Variants in TVP23A observed in about 807,000 individuals in gnomAD.
TVP23A encodes trans-golgi network vesicle protein 23 homolog A, also known as Golgi apparatus membrane protein TVP23 homolog A.
In TVP23A, 21 loss-of-function variants were observed where a neutral mutation model predicts 31.7. That is an observed-to-expected ratio of 0.66 (90% CI 0.47 to 0.95). The LOEUF is 0.95. TVP23A is among the 40% of genes least tolerant of loss of function. The probability of loss-of-function intolerance (pLI) is 0.00; values close to 1 mark genes in which losing one functional copy is unlikely to be tolerated. For missense variants in TVP23A, 279 were observed against 255.6 expected (o/e 1.09, Z -0.62); for synonymous variants, 104 against 96.0 (o/e 1.08, Z -0.49).
intron 2 of TVP23A, among the ~76,000 whole-genome samples, chr16:10,800,711 A>T (rs1201056366): frequency 6.6e-6 from 1 of 152,176 alleles, no homozygotes; most frequent in African/African-American, 2.4e-5. Flanking sequence ...CAAAAATCAC[A>T]GGTGGCTCAC....
chr16:10,771,425 T>G (rs2031612981), intron 6 of TVP23A, among the ~76,000 whole-genome samples: 1 of 151,608 alleles, frequency 6.6e-6, no homozygotes, highest in Middle Eastern at 3.2e-3. Flanking sequence ...GTCCCAACTG[T>G]GCCAGAGGCT....
At chr16:10,795,385 G>A (rs2033332657) in intron 2 of TVP23A, among the ~76,000 whole-genome samples, 1 of 151,898 alleles carries the variant, frequency 6.6e-6, no homozygotes, top group South Asian at 2.1e-4. Context: ...CGAGTAGCTG[G>A]GATTACAGGC....
In TVP23A at chr16:10,779,323, A is replaced by G. The variant is rs1220055421; in HGVS notation, c.90-4227T>C. Among the ~76,000 whole-genome samples the G allele has an allele frequency of 6.6e-6, 1 of 152,230 alleles. No individual in the cohort carries two copies. The highest frequency in any genetic ancestry group is 1.5e-5 in the Non-Finnish European group (1 of 68,036). On this transcript the variant is annotated intron_variant, in intron 2 of 7. Coordinates refer to ENST00000299866, the MANE Select transcript of TVP23A (RefSeq NM_001079512.4). The surrounding 1 kb of genome is among the most constrained non-coding windows in gnomAD (Gnocchi z 4.9). Reference sequence around the variant, plus strand: ...TTCAGTCCCTATCTGGAGTTTGCCCAGCCTGTGCCTCTAGCTAATACTGTG... The same window carrying G: ...TTCAGTCCCTATCTGGAGTTTGCCCGGCCTGTGCCTCTAGCTAATACTGTG...
rs1411852351 is a variant in TVP23A at position 10,789,695 on chromosome 16, C to A, written c.90-14599G>T. ...AAAAAAAAAAAAAAAAAAAGCCAGGCGTGGTGGCAGGTGCCTGTAATCCCA... is the reference window on the plus strand; with the variant it reads ...AAAAAAAAAAAAAAAAAAAGCCAGGAGTGGTGGCAGGTGCCTGTAATCCCA... On this transcript the variant is annotated intron_variant, in intron 2 of 7. Transcript: ENST00000299866. Among the ~76,000 whole-genome samples, 7 of 139,370 alleles carry A rather than the reference C, an allele frequency of 5.0e-5. No homozygotes were observed. In the East Asian group the frequency reaches 1.5e-3, roughly 31 times the overall value. The allele number at this position is 139,370 out of a possible 152,430, so 91.4% of individuals were successfully genotyped here. A position where few individuals can be genotyped will look rare whatever the true frequency, so the allele number is the denominator to read the frequency against.
intron 2 of TVP23A, among the ~76,000 whole-genome samples, chr16:10,795,002 G>A (rs1239288078): frequency 6.6e-6 from 1 of 152,076 alleles, no homozygotes; most frequent in East Asian, 1.9e-4. Context: ...GGGATCCCTG[G>A]AGAAATGGCA....
At position 10,767,064 on chromosome 16, in the gene TVP23A, G is replaced by A. The variant is rs1161662444; in HGVS notation, c.*2038C>T. The A allele has an allele frequency of 2.5e-6, 1 of 398,772 alleles. No individual in the cohort carries two copies. Among genetic ancestry groups the A allele is most frequent in the Non-Finnish European group, 4.4e-6 (1 of 226,176 alleles). 24.7% of individuals were successfully genotyped at this position (398,772 alleles called of 1,614,324 possible). Reference sequence around the variant, plus strand: ...TAGTGAAGTTGAGGAAATGATGAGTGCTAGGTAGGAACCCCTCCTGGGGTT... The same window carrying A: ...TAGTGAAGTTGAGGAAATGATGAGTACTAGGTAGGAACCCCTCCTGGGGTT... On this transcript the variant is annotated 3_prime_UTR_variant, in exon 8 of 8. Coordinates refer to ENST00000299866, the MANE Select transcript of TVP23A (RefSeq NM_001079512.4). This position sits in a 1 kb window ranked among gnomAD's most constrained non-coding sequence, Gnocchi z 4.6.
At chr16:10,795,720 C>G (rs2033351335) in intron 2 of TVP23A, among the ~76,000 whole-genome samples, 1 of 152,162 alleles carries the variant, frequency 6.6e-6, no homozygotes, top group African/African-American at 2.4e-5. Flanking sequence ...GGGAGTTTCT[C>G]CTTCTGGATC....
At chr16:10,758,939 C>T (rs1900756776), downstream of TVP23A, among the ~76,000 whole-genome samples, 1 of 152,188 alleles carries the variant, frequency 6.6e-6, no homozygotes, top group Admixed American at 6.5e-5. Flanking sequence ...CTGCAGAGAG[C>T]AACTGCAGGC....
rs2031181022 is a variant in TVP23A at position 10,768,170 on chromosome 16, G to A, written c.*932C>T. 1.5e-6 allele frequency: 1 copy of A among 656,522 alleles called. No individual in the cohort carries two copies. The highest frequency in any genetic ancestry group is 2.6e-6 in the Non-Finnish European group (1 of 380,018). The allele number at this position is 656,522 out of a possible 1,614,324, so 40.7% of individuals were successfully genotyped here. ...TGGCCCCCATAGCCGAGGAAGCCAG[G>A]AGTCCATGAGAAATCTCTCAATGTG... On this transcript the variant is annotated 3_prime_UTR_variant, in exon 8 of 8. Coordinates refer to ENST00000299866, the MANE Select transcript of TVP23A (RefSeq NM_001079512.4). This position sits in a 1 kb window ranked among gnomAD's most constrained non-coding sequence, Gnocchi z 4.3.
intron 8 of TVP23A, chr16:10,761,664 C>CTTTT: frequency 1.1e-6 from 1 of 914,790 alleles, no homozygotes; most frequent in Non-Finnish European, 1.6e-6. Flanking sequence ...CAAACTAAGC[C>CTTTT]TTTTTTTTTT....
intron 2 of TVP23A, among the ~76,000 whole-genome samples, chr16:10,795,038 C>T (rs2033309705): frequency 6.6e-6 from 1 of 151,986 alleles, no homozygotes; most frequent in African/African-American, 2.4e-5. Flanking sequence ...TGGAGAAATG[C>T]ACACAATGGG....
At chr16:10,788,381 T>A (rs1421963852) in intron 2 of TVP23A, among the ~76,000 whole-genome samples, 1 of 151,986 alleles carries the variant, frequency 6.6e-6, no homozygotes, top group Non-Finnish European at 1.5e-5. Context: ...TTCAAGCGAT[T>A]CTCCTGCCTC....
chr16:10,759,498 G>A (rs1258540941), downstream of TVP23A, among the ~76,000 whole-genome samples: 3 of 152,190 alleles, frequency 2.0e-5, no homozygotes, highest in East Asian at 1.9e-4. This position sits in a 1 kb window ranked among gnomAD's most constrained non-coding sequence, Gnocchi z 4.7. Flanking sequence ...TTGGTGCTGG[G>A]CACACTGGCT....
chr16:10,768,962 A>G lies in TVP23A; in HGVS notation c.*140T>C. The G allele has an allele frequency of 7.9e-7, 1 of 1,261,296 alleles. No individual in the cohort carries two copies. The allele number at this position is 1,261,296 out of a possible 1,614,324, so 78.1% of individuals were successfully genotyped here. The stretch of plus-strand genomic sequence containing the variant: ...TAGCCAGAGGATTCCACCCCTGTCA[A>G]AACACAGCCCTCCCCAGCACAGGAC... On this transcript the variant is annotated 3_prime_UTR_variant, in exon 8 of 8. Coordinates refer to ENST00000299866, the MANE Select transcript of TVP23A (RefSeq NM_001079512.4). This position sits in a 1 kb window ranked among gnomAD's most constrained non-coding sequence, Gnocchi z 4.3.
intron 3 of TVP23A, among the ~76,000 whole-genome samples, chr16:10,774,604 C>CTCTT (rs1555478779): frequency 4.1e-5 from 6 of 145,886 alleles, no homozygotes; most frequent in Non-Finnish European, 7.5e-5. Context: ...CTCATTCTCT[C>CTCTT]TCTTTTTTTT....
At chr16:10,792,965 C>T (rs142588450) in intron 2 of TVP23A, among the ~76,000 whole-genome samples, 20 of 152,242 alleles carry the variant, frequency 1.3e-4, no homozygotes, top group African/African-American at 4.3e-4. Context: ...CAGTTTTTTC[C>T]TCTTGTTTCT....
At chr16:10,766,011 C>T (rs1446851908), downstream of TVP23A, 1 of 152,392 alleles carries the variant, frequency 6.6e-6, no homozygotes, top group Non-Finnish European at 1.5e-5. This position sits in a 1 kb window ranked among gnomAD's most constrained non-coding sequence, Gnocchi z 4.8. Context: ...GGCAAGGTCA[C>T]TGGGGACAGA....
At chr16:10,773,494 G>A (rs745994858) in intron 4 of TVP23A, 53 bp from the exon 5 acceptor site, 27 of 1,535,236 alleles carry the variant, frequency 1.8e-5, no homozygotes, top group African/African-American at 1.3e-4. Context: ...GGTTGCAAAC[G>A]AGCGTGCTCA....
At chr16:10,760,636 C>T (rs141037948), downstream of TVP23A, among the ~76,000 whole-genome samples, 628 of 152,254 alleles carry the variant, frequency 4.1e-3, 2 homozygotes, top group Non-Finnish European at 4.4e-3. Context: ...ACTCTGGAGG[C>T]TGAGGCAGGA....
Sources: gnomAD v4.1 joint callset for allele counts (sites outside exome capture counted in the v4.1 genomes callset) on GRCh38, gnomAD v4.1.1 for gene constraint, Gnocchi (gnomAD v3.1) non-coding constraint, MANE v1.5 for transcripts, NCBI Gene and HGNC (gene_info 2026-07-23, HGNC 2026-07-21) for gene names.